The following SEMA6D variants were observed in gnomAD, a reference collection of about 807,000 sequenced individuals.
SEMA6D encodes the protein semaphorin-6D.
A neutral mutation model predicts 106.6 loss-of-function variants in SEMA6D; 35 were observed. The observed-to-expected ratio is 0.33, with a 90% CI of 0.25 to 0.44. The LOEUF is 0.44. SEMA6D is among the 20% of genes least tolerant of loss of function. SEMA6D has a pLI of 1.00. For synonymous variants in SEMA6D, 499 were observed against 487.7 expected, an observed-to-expected ratio of 1.02 and a Z score of -0.31; for missense variants, 1,185 against 1,345.9, an observed-to-expected ratio of 0.88 and a Z score of 1.87.
intron 4 of SEMA6D, among the ~76,000 whole-genome samples, chr15:47,690,910 A>C (rs768791808): frequency 6.6e-6 from 1 of 152,158 alleles, no homozygotes; most frequent in Non-Finnish European, 1.5e-5. Flanking sequence ...TAACCATAGG[A>C]TAATTTAGTT....
At chr15:47,327,943 ATG>A (rs1258634996) in intron 1 of SEMA6D, among the ~76,000 whole-genome samples, 1 of 152,162 alleles carries the variant, frequency 6.6e-6, no homozygotes, top group Admixed American at 6.5e-5. Flanking sequence ...TATACCTATT[ATG>A]TTTGTTATCA....
chr15:47,366,708 C>T (rs1362195025), intron 1 of SEMA6D, among the ~76,000 whole-genome samples: 7 of 152,026 alleles, frequency 4.6e-5, no homozygotes, highest in Admixed American at 6.6e-5. Flanking sequence ...TGTAAAAAGA[C>T]GTAAGTTTAT....
chr15:47,771,206 T>A lies in SEMA6D; in HGVS notation c.2643T>A (p.Asp881Glu), dbSNP rs758725656. 1.5e-5 allele frequency: 25 copies of A among 1,613,916 alleles called. No homozygotes were observed. The highest frequency in any genetic ancestry group is 1.8e-5 in the Non-Finnish European group (21 of 1,179,954). Residue 881 changes from aspartate (D) to glutamate (E), a missense_variant, in exon 19 of 19, where the codon GAT becomes GAA. By Grantham distance (45) the Asp-to-Glu change is conservative. Transcript: ENST00000536845. ...RSVDSRNTLN[D>E]LLKHLNDPNS... ...TTGATTCCAGAAATACCCTCAATGA[T>A]CTCCTGAAGCATCTGAATGACCCAA...
chr15:47,740,510 C>T (rs1226524365), intron 1 of SEMA6D, among the ~76,000 whole-genome samples: 1 of 152,108 alleles, frequency 6.6e-6, no homozygotes, highest in Non-Finnish European at 1.5e-5. Context: ...CACAGCAAGA[C>T]TCCGTCTCAA....
intron 1 of SEMA6D, among the ~76,000 whole-genome samples, chr15:47,225,509 C>A (rs1026187085): frequency 2.2e-5 from 2 of 91,826 alleles, no homozygotes; most frequent in African/African-American, 5.5e-5. Flanking sequence ...GTGTTTTTTT[C>A]TTGTTGAGGG....
chr15:47,735,007 A>C (rs17388803), intron 1 of SEMA6D, among the ~76,000 whole-genome samples: 12,958 of 152,162 alleles, frequency 0.085, 748 homozygotes, highest in Middle Eastern at 0.17. Flanking sequence ...ATTTTATGCT[A>C]ATTTCCCAGA....
intron 2 of SEMA6D, among the ~76,000 whole-genome samples, chr15:47,463,401 G>T (rs960508144): frequency 6.6e-6 from 1 of 152,150 alleles, no homozygotes; most frequent in African/African-American, 2.4e-5. Flanking sequence ...AATTCGTATA[G>T]CCCTGACTGC....
intron 1 of SEMA6D, among the ~76,000 whole-genome samples, chr15:47,334,249 C>T (rs1281863567): frequency 6.6e-6 from 1 of 152,184 alleles, no homozygotes; most frequent in Non-Finnish European, 1.5e-5. Context: ...ATCTCTTCAT[C>T]TGTATCCTTT....
chr15:47,650,721 C>G (rs2077672060), intron 4 of SEMA6D, among the ~76,000 whole-genome samples: 1 of 152,142 alleles, frequency 6.6e-6, no homozygotes, highest in South Asian at 2.1e-4. Flanking sequence ...TGAAGCAATT[C>G]ACGAAAACAA....
In SEMA6D at chr15:47,633,096, T is replaced by C. The variant is rs572631965; in HGVS notation, c.-55+32200T>C. ...ACCTTAAGTATATTCTCTACACATA[T>C]GGAGCACCACATCAGATGATGTTAT... On this transcript the variant is annotated intron_variant, in intron 4 of 19. Coordinates refer to the SEMA6D transcript ENST00000558014. Among the ~76,000 whole-genome samples the C allele has an allele frequency of 3.3e-5, 5 of 152,200 alleles. No homozygotes were observed. The South Asian group carries it at 8.3e-4, about 25-fold the overall frequency.
intron 4 of SEMA6D, among the ~76,000 whole-genome samples, chr15:47,708,014 C>T (rs1395669038): frequency 1.3e-5 from 2 of 152,144 alleles, no homozygotes; most frequent in African/African-American, 2.4e-5. Flanking sequence ...TGTATGTTTC[C>T]ACTTTTCTAT....
chr15:47,452,297 G>T (rs1311649076), intron 2 of SEMA6D, among the ~76,000 whole-genome samples: 2 of 150,104 alleles, frequency 1.3e-5, no homozygotes, highest in East Asian at 3.9e-4. Context: ...TTCAGGAATT[G>T]AGTTAAGGGT....
chr15:47,469,183 A>G (rs966041122), intron 2 of SEMA6D, among the ~76,000 whole-genome samples: 8 of 152,200 alleles, frequency 5.3e-5, no homozygotes, highest in African/African-American at 1.9e-4. Flanking sequence ...AAAGCAAATC[A>G]ACTTTTAATT....
intron 1 of SEMA6D, among the ~76,000 whole-genome samples, chr15:47,185,097 C>T (rs1420499955): frequency 6.6e-6 from 1 of 152,142 alleles, no homozygotes; most frequent in African/African-American, 2.4e-5. Flanking sequence ...TGGGTGGGTC[C>T]CTTGTCTGGC....
intron 4 of SEMA6D, among the ~76,000 whole-genome samples, chr15:47,627,465 CCATCT>C (rs2077222895): frequency 6.6e-6 from 1 of 152,076 alleles, no homozygotes; most frequent in South Asian, 2.1e-4. Flanking sequence ...AATTTAGTTC[CCATCT>C]CTGAGCCATC....
chr15:47,558,210 A>G (rs1480373777), intron 3 of SEMA6D, among the ~76,000 whole-genome samples: 4 of 152,140 alleles, frequency 2.6e-5, no homozygotes, highest in Non-Finnish European at 4.4e-5. Flanking sequence ...TTCTATCATT[A>G]TATTCTACAA....
At chr15:47,635,730 C>A (rs2077375690) in intron 4 of SEMA6D, among the ~76,000 whole-genome samples, 1 of 151,966 alleles carries the variant, frequency 6.6e-6, no homozygotes, top group Admixed American at 6.6e-5. Context: ...CAGTTGACTG[C>A]CAGTATTAGG....
At chr15:47,657,344 C>T (rs1435740) in intron 4 of SEMA6D, among the ~76,000 whole-genome samples, 47,172 of 151,924 alleles carry the variant, frequency 0.31, 8,822 homozygotes, top group East Asian at 0.48. Context: ...TGATTCTCCA[C>T]GTGTATATGC....
At chr15:47,350,265 C>T (rs2038267259) in intron 1 of SEMA6D, among the ~76,000 whole-genome samples, 1 of 149,548 alleles carries the variant, frequency 6.7e-6, no homozygotes, top group Non-Finnish European at 1.5e-5. Flanking sequence ...GTCACTAGGC[C>T]AGAAACTAAG....
Sources: gnomAD v4.1 joint callset for allele counts (sites outside exome capture counted in the v4.1 genomes callset) on GRCh38, gnomAD v4.1.1 for gene constraint, MANE v1.5 for transcripts, NCBI Gene and HGNC (gene_info 2026-07-23, HGNC 2026-07-21) for gene names.